ARHGAP10: variants seen among roughly 807,000 people sequenced by gnomAD.
ARHGAP10 encodes rho GTPase-activating protein 10.
A neutral mutation model predicts 108.6 loss-of-function variants in ARHGAP10; 87 were observed. The observed-to-expected ratio is 0.80, with a 90% CI of 0.67 to 0.96. The LOEUF is 0.96. Ranked by LOEUF, ARHGAP10 falls within the 40% of genes least tolerant of loss-of-function variation. The pLI, the probability that ARHGAP10 is intolerant of heterozygous loss-of-function variation, is 0.00. For synonymous variants in ARHGAP10, 347 were observed against 341.1 expected, an observed-to-expected ratio of 1.02 and a Z score of -0.19; for missense variants, 939 against 954.5, an observed-to-expected ratio of 0.98 and a Z score of 0.21.
At chr4:147,758,991 A>AAC (rs1560742432) in intron 1 of ARHGAP10, among the ~76,000 whole-genome samples, 1 of 150,974 alleles carries the variant, frequency 6.6e-6, no homozygotes. Flanking sequence ...AAAAAAAAAA[A>AAC]CCGAAAACAG....
chr4:147,786,997 T>C (rs1222612426), intron 1 of ARHGAP10, among the ~76,000 whole-genome samples: 1 of 152,212 alleles, frequency 6.6e-6, no homozygotes, highest in Non-Finnish European at 1.5e-5. Flanking sequence ...ATGTGATATG[T>C]TGTCAGTCAC....
intron 20 of ARHGAP10, among the ~76,000 whole-genome samples, chr4:148,054,535 A>G (rs1729280191): frequency 6.6e-6 from 1 of 152,236 alleles, no homozygotes; most frequent in African/African-American, 2.4e-5. Context: ...CATCAGTTAC[A>G]TAATCTCCTC....
intron 13 of ARHGAP10, among the ~76,000 whole-genome samples, chr4:147,919,397 G>T (rs76528715): frequency 3.3e-5 from 5 of 152,150 alleles, no homozygotes; most frequent in Non-Finnish European, 7.4e-5. Context: ...GGCATGTGTG[G>T]GAGTCACATC....
intron 13 of ARHGAP10, among the ~76,000 whole-genome samples, chr4:147,933,724 A>G (rs1737800122): frequency 6.6e-6 from 1 of 152,230 alleles, no homozygotes; most frequent in Non-Finnish European, 1.5e-5. Context: ...CTAGTGGCCC[A>G]GATGGATGTG....
chr4:147,858,961 A>G (rs1221895621), intron 5 of ARHGAP10, among the ~76,000 whole-genome samples: 1 of 152,182 alleles, frequency 6.6e-6, no homozygotes, highest in African/African-American at 2.4e-5. Flanking sequence ...GTTCCAGAAT[A>G]TAATCAGAGT....
chr4:147,979,537 G>C (rs1739731596), intron 18 of ARHGAP10, among the ~76,000 whole-genome samples: 1 of 151,598 alleles, frequency 6.6e-6, no homozygotes, highest in South Asian at 2.1e-4. Context: ...CATTCCATGT[G>C]AATTTTAGAA....
At chr4:147,904,727 A>G (rs1297322588) in intron 10 of ARHGAP10, among the ~76,000 whole-genome samples, 1 of 152,260 alleles carries the variant, frequency 6.6e-6, no homozygotes, top group Non-Finnish European at 1.5e-5. Flanking sequence ...CATGATTTAT[A>G]GTCCTTTGGG....
chr4:147,903,754 A>G (rs1029605564), intron 10 of ARHGAP10, among the ~76,000 whole-genome samples: 1 of 152,248 alleles, frequency 6.6e-6, no homozygotes, highest in African/African-American at 2.4e-5. Context: ...CATACATTTA[A>G]GCTCCCTCCA....
At chr4:147,834,696 C>T (rs1733092002) in intron 3 of ARHGAP10, among the ~76,000 whole-genome samples, 1 of 147,252 alleles carries the variant, frequency 6.8e-6, no homozygotes, top group Non-Finnish European at 1.5e-5. Context: ...ACACTCACAC[C>T]CACACCCATA....
chr4:147,987,742 G>C (rs962236256), intron 18 of ARHGAP10, among the ~76,000 whole-genome samples: 1 of 152,210 alleles, frequency 6.6e-6, no homozygotes, highest in Non-Finnish European at 1.5e-5. Context: ...TCTGTGCTGG[G>C]TCAGGTGTAG....
chr4:147,824,018 T>TAA (rs201871737), intron 3 of ARHGAP10, among the ~76,000 whole-genome samples: 2 of 151,296 alleles, frequency 1.3e-5, no homozygotes, highest in African/African-American at 2.4e-5. Flanking sequence ...ATTTCAGGCT[T>TAA]AAAAAAAAAC....
At chr4:147,898,908 A>G (rs982749400) in intron 10 of ARHGAP10, among the ~76,000 whole-genome samples, 5 of 152,208 alleles carry the variant, frequency 3.3e-5, no homozygotes, top group African/African-American at 1.2e-4. Context: ...CTATCAGGAG[A>G]GCAGCACGGG....
chr4:147,764,344 G>T (rs1729706768), intron 1 of ARHGAP10, among the ~76,000 whole-genome samples: 1 of 151,956 alleles, frequency 6.6e-6, no homozygotes, highest in Non-Finnish European at 1.5e-5. Context: ...GTCTGAGCTT[G>T]CCAGGAGAGA....
At position 147,864,970 on chromosome 4, in the gene ARHGAP10, A is replaced by G. The variant is rs1560798396; in HGVS notation, c.597+14A>G. 3 of 1,602,338 alleles carry G rather than the reference A, an allele frequency of 1.9e-6. No homozygotes were observed. The highest frequency in any genetic ancestry group is 1.1e-5 in the South Asian group (1 of 90,180). Reference sequence around the variant, plus strand: ...TTTGTGGAACCTGTGAGTATTGCCAAGTTGTTTGCTGGTGGATTTTTGCAA... The same window carrying G: ...TTTGTGGAACCTGTGAGTATTGCCAGGTTGTTTGCTGGTGGATTTTTGCAA... On this transcript the variant is annotated intron_variant, in intron 6 of 22. Transcript: ENST00000336498.
intron 18 of ARHGAP10, among the ~76,000 whole-genome samples, chr4:148,018,293 TAGAA>T (rs1174403117): frequency 2.0e-5 from 3 of 152,218 alleles, no homozygotes; most frequent in African/African-American, 4.8e-5. Context: ...TGGGCAATCT[TAGAA>T]AGAGACCTGG....
At chr4:147,968,459 C>A (rs1739284330) in intron 18 of ARHGAP10, among the ~76,000 whole-genome samples, 1 of 152,126 alleles carries the variant, frequency 6.6e-6, no homozygotes, top group Non-Finnish European at 1.5e-5. Flanking sequence ...TGTTAGTAAC[C>A]CAGATAAATG....
intron 1 of ARHGAP10, among the ~76,000 whole-genome samples, chr4:147,781,523 A>G (rs1730529924): frequency 6.6e-6 from 1 of 152,116 alleles, no homozygotes; most frequent in African/African-American, 2.4e-5. Context: ...TGTTCATACT[A>G]TGACATTTTT....
chr4:147,940,677 A>G (rs1738135494), intron 14 of ARHGAP10, among the ~76,000 whole-genome samples: 2 of 152,188 alleles, frequency 1.3e-5, no homozygotes, highest in Admixed American at 6.5e-5. Context: ...TAATTAATCA[A>G]TATTAACAAT....
At chr4:147,926,412 G>A (rs1371820904) in intron 13 of ARHGAP10, among the ~76,000 whole-genome samples, 2 of 152,188 alleles carry the variant, frequency 1.3e-5, no homozygotes, top group African/African-American at 2.4e-5. Context: ...TGACCTGCTG[G>A]ATATTGGAAG....
Sources: gnomAD v4.1 joint callset for allele counts (sites outside exome capture counted in the v4.1 genomes callset) on GRCh38, gnomAD v4.1.1 for gene constraint, MANE v1.5 for transcripts, NCBI Gene and HGNC (gene_info 2026-07-23, HGNC 2026-07-21) for gene names.